Variants in LUC7L2 observed in about 807,000 individuals in gnomAD.
LUC7L2 encodes putative RNA-binding protein Luc7-like 2.
LUC7L2 carries 25 observed loss-of-function variants against 52.8 expected under a neutral mutation model. The observed-to-expected ratio is 0.47, with a 90% CI of 0.34 to 0.66. The LOEUF is 0.66. Among genes scored for constraint, LUC7L2 ranks in the 30% least tolerant of loss-of-function variants. The pLI, the probability that LUC7L2 is intolerant of heterozygous loss-of-function variation, is 0.01. For missense variants in LUC7L2, 328 were observed against 497.8 expected, an observed-to-expected ratio of 0.66 and a Z score of 3.25; for synonymous variants, 144 against 160.9, an observed-to-expected ratio of 0.89 and a Z score of 0.80.
At chr7:139,385,042 T>C (rs1158345658) in intron 2 of LUC7L2, among the ~76,000 whole-genome samples, 1 of 152,184 alleles carries the variant, frequency 6.6e-6, no homozygotes, top group East Asian at 1.9e-4. Flanking sequence ...TATAGTAATA[T>C]CTTATTCTGG....
At chr7:139,356,999 C>CT (rs1799625480), upstream of LUC7L2, among the ~76,000 whole-genome samples, 1 of 152,020 alleles carries the variant, frequency 6.6e-6, no homozygotes, top group Non-Finnish European at 1.5e-5. Context: ...GAGCATATAA[C>CT]TTGGGATGAG....
chr7:139,413,527 C>T (rs544697359), intron 8 of LUC7L2, among the ~76,000 whole-genome samples: 1 of 152,328 alleles, frequency 6.6e-6, no homozygotes, highest in South Asian at 2.1e-4. Context: ...TATACCATCA[C>T]AGCTCTTTGG....
At position 139,360,316 on chromosome 7, in the gene LUC7L2, C is replaced by A; in HGVS notation, c.55C>A (p.Arg19=). 6.4e-7 allele frequency: 1 copy of A among 1,568,588 alleles called. No individual in the cohort carries two copies. The highest frequency in any genetic ancestry group is 8.6e-7 in the Non-Finnish European group (1 of 1,157,694). ...AMLDQLMGTS[R]DGDTTRQRIK... ...GCTGGACCAGTTGATGGGCACCTCC[C>A]GGGACGGTAAGTCTCTGCCAGGGCC... Residue 19 remains arginine, a synonymous_variant, in exon 1 of 10, where the codon CGG becomes AGG. Coordinates refer to ENST00000354926, the MANE Select transcript of LUC7L2 (RefSeq NM_016019.5).
chr7:139,368,477 G>C (rs1357322421), intron 1 of LUC7L2, among the ~76,000 whole-genome samples: 1 of 152,164 alleles, frequency 6.6e-6, no homozygotes, highest in African/African-American at 2.4e-5. Flanking sequence ...TGTGGCTCAC[G>C]CCTGTAATCC....
At chr7:139,352,364 A>T (rs1467950873) in intron 1 of LUC7L2, among the ~76,000 whole-genome samples, 15 of 152,114 alleles carry the variant, frequency 9.9e-5, no homozygotes. Context: ...GCATGGTGGC[A>T]CCTGCCTGTA....
chr7:139,371,158 G>A (rs768802352), intron 1 of LUC7L2, among the ~76,000 whole-genome samples: 6 of 152,148 alleles, frequency 3.9e-5, no homozygotes, highest in African/African-American at 7.2e-5. Flanking sequence ...ACATGGGAGT[G>A]TCTCCATTGC....
Position 139,364,021 on chromosome 7 carries a change from G to T in LUC7L2, c.61+3699G>T, listed in dbSNP as rs534342228. On this transcript the variant is annotated intron_variant, in intron 1 of 9. Coordinates refer to ENST00000354926, the MANE Select transcript of LUC7L2 (RefSeq NM_016019.5). ...TTTTTTTTGAGACAGGGTCTCTGTTGCCCAGGCTGGAGTGCAGTGGCACGA... is the reference window on the plus strand; with the variant it reads ...TTTTTTTTGAGACAGGGTCTCTGTTTCCCAGGCTGGAGTGCAGTGGCACGA... Among the ~76,000 whole-genome samples, 5 of 115,900 alleles carry T rather than the reference G, an allele frequency of 4.3e-5. No homozygotes were observed. The East Asian group carries it at 1.2e-3, about 29-fold the overall frequency. 76.0% of individuals were successfully genotyped at this position (115,900 alleles called of 152,430 possible). A position where few individuals can be genotyped will look rare whatever the true frequency, so the allele number is the denominator to read the frequency against.
At chr7:139,397,035 A>G (rs537461921) in intron 2 of LUC7L2, among the ~76,000 whole-genome samples, 93 of 152,264 alleles carry the variant, frequency 6.1e-4, no homozygotes, top group African/African-American at 2.2e-3. Context: ...TGTTTTATAC[A>G]TATTTAGGTT....
chr7:139,344,124 T>G (rs1799141313), intron 1 of LUC7L2, among the ~76,000 whole-genome samples: 2 of 151,882 alleles, frequency 1.3e-5, no homozygotes, highest in African/African-American at 2.4e-5. Context: ...AAAAGTTAAG[T>G]ATGATGAAGA....
intron 1 of LUC7L2, among the ~76,000 whole-genome samples, chr7:139,366,076 C>T (rs762231867): frequency 1.3e-5 from 2 of 152,206 alleles, no homozygotes; most frequent in Non-Finnish European, 2.9e-5. Flanking sequence ...TAACTTAGGA[C>T]TTTGAGAAGT....
chr7:139,345,851 A>T (rs907369419), intron 1 of LUC7L2: 8 of 862,830 alleles, frequency 9.3e-6, no homozygotes, highest in Non-Finnish European at 1.0e-5. Flanking sequence ...TGGACATTTC[A>T]TCTTTACTCT....
At chr7:139,392,046 C>T (rs1470655849) in intron 2 of LUC7L2, among the ~76,000 whole-genome samples, 2 of 152,168 alleles carry the variant, frequency 1.3e-5, no homozygotes, top group Non-Finnish European at 2.9e-5. Context: ...CTTTTCTCCA[C>T]TTGGTATATC....
At chr7:139,390,351 C>T (rs1017379802) in intron 2 of LUC7L2, among the ~76,000 whole-genome samples, 1 of 151,418 alleles carries the variant, frequency 6.6e-6, no homozygotes, top group Non-Finnish European at 1.5e-5. Context: ...ACCTCTGCCT[C>T]CTGGGTTCAA....
chr7:139,352,890 T>A (rs1222087767), intron 1 of LUC7L2, among the ~76,000 whole-genome samples: 1 of 152,182 alleles, frequency 6.6e-6, no homozygotes. Flanking sequence ...AAAATTTGAA[T>A]TTTAAAATCT....
chr7:139,341,496 C>G, intron 1 of LUC7L2: 1 of 1,613,636 alleles, frequency 6.2e-7, no homozygotes, highest in Non-Finnish European at 8.5e-7. Flanking sequence ...CTATCGGTAC[C>G]TTGTGAAGGC....
chr7:139,417,205 T>A (rs1224278207), intron 8 of LUC7L2: 1 of 195,660 alleles, frequency 5.1e-6, no homozygotes, highest in Non-Finnish European at 1.1e-5. Flanking sequence ...TGTGTCCAGC[T>A]AATTTTTGTA....
intron 1 of LUC7L2, among the ~76,000 whole-genome samples, chr7:139,347,781 ATC>A (rs980403381): frequency 1.6e-4 from 24 of 152,218 alleles, no homozygotes; most frequent in African/African-American, 4.3e-4. Flanking sequence ...GAGTAATGCA[ATC>A]TCTGTCTCCC....
chr7:139,343,653 G>T (rs761130064), intron 1 of LUC7L2, among the ~76,000 whole-genome samples: 7 of 152,156 alleles, frequency 4.6e-5, no homozygotes, highest in Non-Finnish European at 8.8e-5. Context: ...AAGGGGATTA[G>T]GCCAGGAGCG....
chr7:139,375,079 G>T, intron 1 of LUC7L2: 1 of 983,652 alleles, frequency 1.0e-6, no homozygotes, highest in Non-Finnish European at 1.2e-6. Context: ...CATTTCTTAG[G>T]GCTTATCATT....
Sources: gnomAD v4.1 joint callset for allele counts (sites outside exome capture counted in the v4.1 genomes callset) on GRCh38, gnomAD v4.1.1 for gene constraint, MANE v1.5 for transcripts, NCBI Gene and HGNC (gene_info 2026-07-23, HGNC 2026-07-21) for gene names.